The following TFDP2 variants were observed in gnomAD, a reference collection of about 807,000 sequenced individuals.
TFDP2 encodes the protein transcription factor Dp-2 (E2F dimerization partner 2).
In TFDP2, 17 loss-of-function variants were observed where a neutral mutation model predicts 59.3. That is an observed-to-expected ratio of 0.29 (90% confidence interval 0.20 to 0.43). The LOEUF (loss-of-function observed/expected upper bound fraction) is 0.43. TFDP2 is among the 20% of genes least tolerant of loss of function. The pLI is 1.00. For synonymous variants in TFDP2, 180 were observed against 194.7 expected, an observed-to-expected ratio of 0.92 and a Z score of 0.63; for missense variants, 391 against 528.8, an observed-to-expected ratio of 0.74 and a Z score of 2.56.
chr3:142,102,367 C>T (rs1466547365), intron 1 of TFDP2, among the ~76,000 whole-genome samples: 3 of 152,024 alleles, frequency 2.0e-5, no homozygotes, highest in Non-Finnish European at 4.4e-5. Context: ...AACAACTGAA[C>T]ACCAAAGTAC....
At position 142,017,592 on chromosome 3, in the gene TFDP2, G is replaced by A. The variant is rs939252318; in HGVS notation, c.83-12048C>T. Among the ~76,000 whole-genome samples the A allele has an allele frequency of 5.7e-5, 7 of 123,882 alleles. No homozygotes were observed. In the East Asian group the frequency reaches 7.4e-4, roughly 13 times the overall value. 81.3% of individuals were successfully genotyped at this position (123,882 alleles called of 152,430 possible). ...TTTTGAGATGGAGTCTCGCTCTGTC[G>A]CCTAGGCTGGAGTGCAGTGGCATGA... On this transcript the variant is annotated intron_variant, in intron 3 of 12. Transcript: ENST00000489671.
chr3:141,948,588 TCA>T lies in TFDP2; in HGVS notation c.*3923_*3924del, dbSNP rs1935526138. The T allele has an allele frequency of 6.6e-6, 1 of 151,174 alleles. No individual in the cohort carries two copies. Among genetic ancestry groups the T allele is most frequent in the Non-Finnish European group, 1.5e-5 (1 of 68,372 alleles). The allele number at this position is 151,174 out of a possible 1,614,324, so 9.4% of individuals were successfully genotyped here. A position where few individuals can be genotyped will look rare whatever the true frequency, so the allele number is the denominator to read the frequency against. On this transcript the variant is annotated 3_prime_UTR_variant, in exon 13 of 13. Transcript: ENST00000489671. ...AGGCTCCCCACCGTGCCCCCCTCTC[TCA>T]GTGTGGTTATGGCAGGAATAGCTGA... is the stretch of plus-strand genomic sequence containing the variant.
At chr3:142,069,379 A>G (rs1246776623) in intron 3 of TFDP2, among the ~76,000 whole-genome samples, 1 of 152,198 alleles carries the variant, frequency 6.6e-6, no homozygotes, top group Non-Finnish European at 1.5e-5. Flanking sequence ...TTACTATTAC[A>G]TATTATACTG....
At chr3:142,044,801 C>T (rs1360271579) in intron 3 of TFDP2, among the ~76,000 whole-genome samples, 1 of 152,184 alleles carries the variant, frequency 6.6e-6, no homozygotes, top group Non-Finnish European at 1.5e-5. Context: ...AATCTGAGAC[C>T]TCCTTCTTAT....
chr3:142,041,580 G>A (rs958796031), intron 3 of TFDP2, among the ~76,000 whole-genome samples: 8 of 152,214 alleles, frequency 5.3e-5, no homozygotes, highest in Non-Finnish European at 1.0e-4. Context: ...ATGTGGAACT[G>A]TGAGTCCATT....
intron 10 of TFDP2, among the ~76,000 whole-genome samples, chr3:141,961,432 T>G (rs866787299): frequency 2.0e-5 from 3 of 151,734 alleles, no homozygotes; most frequent in African/African-American, 7.3e-5. Context: ...TTAGTAGAAA[T>G]GGGGGTTTTA....
At chr3:141,996,845 T>C (rs773469663) in intron 4 of TFDP2, among the ~76,000 whole-genome samples, 6 of 152,206 alleles carry the variant, frequency 3.9e-5, no homozygotes, top group Non-Finnish European at 5.9e-5. Flanking sequence ...TGAAATAGTT[T>C]CAATCCGTTC....
intron 11 of TFDP2, among the ~76,000 whole-genome samples, chr3:141,955,063 GC>G (rs1384952332): frequency 1.1e-5 from 1 of 88,960 alleles, no homozygotes; most frequent in East Asian, 4.3e-4. Flanking sequence ...TAAAATTAAA[GC>G]CAGAATCTTG....
chr3:141,965,351 G>A (rs1326046514), intron 9 of TFDP2, among the ~76,000 whole-genome samples: 1 of 151,454 alleles, frequency 6.6e-6, no homozygotes, highest in Admixed American at 6.6e-5. Context: ...ACTATTATTG[G>A]CCAGGCATGG....
intron 11 of TFDP2, among the ~76,000 whole-genome samples, chr3:141,959,306 T>C (rs1323578193): frequency 1.3e-5 from 2 of 152,068 alleles, no homozygotes; most frequent in African/African-American, 4.8e-5. Flanking sequence ...CCTTGAAGTA[T>C]CCACAGGGCA....
At chr3:142,102,544 GA>G (rs1191705692) in intron 1 of TFDP2, among the ~76,000 whole-genome samples, 1 of 152,138 alleles carries the variant, frequency 6.6e-6, no homozygotes, top group African/African-American at 2.4e-5. Flanking sequence ...TAACTAATAA[GA>G]AAAGAATAAT....
At chr3:142,012,904 C>T (rs935353863) in intron 3 of TFDP2, among the ~76,000 whole-genome samples, 2 of 151,944 alleles carry the variant, frequency 1.3e-5, no homozygotes, top group African/African-American at 2.4e-5. Context: ...TTTGGGAGGC[C>T]GAGGCAGGAG....
At chr3:141,970,010 T>G in intron 9 of TFDP2, 63 bp downstream of exon 9, 1 of 1,505,820 alleles carries the variant, frequency 6.6e-7, no homozygotes, top group Non-Finnish European at 9.2e-7. Context: ...GAAAACACAC[T>G]GACTCCAAAA....
chr3:142,008,801 G>T (rs1944417928), intron 3 of TFDP2, among the ~76,000 whole-genome samples: 2 of 151,882 alleles, frequency 1.3e-5, no homozygotes, highest in South Asian at 4.1e-4. Context: ...GAGGAAAAAA[G>T]TATACACATA....
chr3:142,070,135 G>T (rs1457862110), intron 3 of TFDP2, among the ~76,000 whole-genome samples: 1 of 151,634 alleles, frequency 6.6e-6, no homozygotes, highest in African/African-American at 2.4e-5. Context: ...TCAAACTCCT[G>T]GCCTCAAGTA....
intron 6 of TFDP2, among the ~76,000 whole-genome samples, chr3:141,982,760 G>A (rs1941624679): frequency 1.3e-5 from 2 of 152,144 alleles, no homozygotes; most frequent in African/African-American, 4.8e-5. Context: ...TTATAAAACA[G>A]TGATGGCTAT....
At chr3:141,962,583 T>TC (rs1312322057) in intron 10 of TFDP2, among the ~76,000 whole-genome samples, 1 of 152,128 alleles carries the variant, frequency 6.6e-6, no homozygotes, top group South Asian at 2.1e-4. Flanking sequence ...GGTCTCGAAC[T>TC]CCTGATCTCA....
intron 3 of TFDP2, among the ~76,000 whole-genome samples, chr3:142,021,262 T>C (rs1945579265): frequency 6.6e-6 from 1 of 152,172 alleles, no homozygotes; most frequent in South Asian, 2.1e-4. Context: ...ACCTTCCTCT[T>C]TCTATTTGGT....
rs187237760 is a variant in TFDP2 at position 142,072,782 on chromosome 3, T to C, written c.82+20279A>G. Among the ~76,000 whole-genome samples the C allele has an allele frequency of 1.5e-3, 221 of 152,184 alleles. 3 individuals carry two copies. Among genetic ancestry groups the C allele is most frequent in the African/African-American group, 5.1e-3 (213 of 41,532 alleles). On this transcript the variant is annotated intron_variant, in intron 3 of 12. Coordinates refer to ENST00000489671, the MANE Select transcript of TFDP2 (RefSeq NM_001178139.2). The stretch of plus-strand genomic sequence containing the variant: ...AGAGTATAAACTAAATATCCATGAG[T>C]CCATACTAATCTAAATAAATGATTG...
Sources: allele counts gnomAD v4.1 joint callset (sites outside exome capture counted in the v4.1 genomes callset), GRCh38; gene constraint gnomAD v4.1.1; transcripts MANE v1.5; gene names NCBI Gene and HGNC (gene_info 2026-07-23, HGNC 2026-07-21).